LRRIQ1: variants seen among roughly 807,000 people sequenced by gnomAD.
LRRIQ1 encodes leucine-rich repeat- and IQ domain-containing protein 1.
A neutral mutation model predicts 211.9 loss-of-function variants in LRRIQ1; 210 were observed. That is an observed-to-expected ratio of 0.99 (90% CI 0.89 to 1.11). LRRIQ1 has a LOEUF of 1.11. LRRIQ1 is among the 50% of genes most tolerant of loss of function. LRRIQ1 has a pLI of 0.00. For missense variants in LRRIQ1, 2,136 were observed against 1,939.5 expected (o/e 1.10, Z -1.90); for synonymous variants, 699 against 650.1 (o/e 1.08, Z -1.14).
intron 1 of LRRIQ1, among the ~76,000 whole-genome samples, chr12:85,258,213 A>T (rs959745688): frequency 2.6e-5 from 4 of 152,006 alleles, no homozygotes; most frequent in Non-Finnish European, 4.4e-5. Context: ...AACACCAGTA[A>T]TAATGCTAGT....
Position 85,117,868 on chromosome 12 carries a change from A to G in LRRIQ1, c.3378-3829A>G, listed in dbSNP as rs554608565. Among the ~76,000 whole-genome samples, 341 of 152,300 alleles carry G rather than the reference A, an allele frequency of 2.2e-3. 1 individual carries two copies. Among genetic ancestry groups the G allele is most frequent in the Middle Eastern group, 6.8e-3 (2 of 294 alleles). Reference sequence around the variant, plus strand: ...AGTAAGTTATTTTGGCATCACAGTCATGCCTTTAAGAAAACTTGACTGAGT... The same window carrying G: ...AGTAAGTTATTTTGGCATCACAGTCGTGCCTTTAAGAAAACTTGACTGAGT... On this transcript the variant is annotated intron_variant, in intron 15 of 26. Coordinates refer to ENST00000393217, the MANE Select transcript of LRRIQ1 (RefSeq NM_001079910.2).
intron 24 of LRRIQ1, among the ~76,000 whole-genome samples, chr12:85,186,934 G>A (rs887567432): frequency 1.3e-5 from 2 of 151,888 alleles, no homozygotes; most frequent in African/African-American, 2.4e-5. Flanking sequence ...ATTTTAAACT[G>A]CCTTAAAATT....
intron 3 of LRRIQ1, among the ~76,000 whole-genome samples, chr12:85,041,651 ATAGGACTC>A (rs2135880716): frequency 6.6e-6 from 1 of 151,890 alleles, no homozygotes; most frequent in Non-Finnish European, 1.5e-5. Flanking sequence ...ATTAGATGAT[ATAGGACTC>A]TTCCAAACTA....
At chr12:85,100,479 G>A (rs942973102) in intron 13 of LRRIQ1, among the ~76,000 whole-genome samples, 1 of 151,530 alleles carries the variant, frequency 6.6e-6, no homozygotes, top group African/African-American at 2.4e-5. Flanking sequence ...ATCTTATAAC[G>A]TTTGACTATT....
At chr12:85,055,313 T>G (rs1331082602) in intron 7 of LRRIQ1, among the ~76,000 whole-genome samples, 1 of 152,124 alleles carries the variant, frequency 6.6e-6, no homozygotes, top group Non-Finnish European at 1.5e-5. Context: ...CATATCTGGG[T>G]GGCTTAGAAT....
chr12:85,233,598 C>G (rs890747355), intron 26 of LRRIQ1, among the ~76,000 whole-genome samples: 3 of 152,024 alleles, frequency 2.0e-5, no homozygotes, highest in Non-Finnish European at 2.9e-5. Flanking sequence ...ATTTCCAGAC[C>G]AGTTATATTC....
At chr12:85,051,929 A>G (rs996627733) in intron 6 of LRRIQ1, among the ~76,000 whole-genome samples, 1 of 152,198 alleles carries the variant, frequency 6.6e-6, no homozygotes, top group African/African-American at 2.4e-5. Flanking sequence ...GTGAATAAAC[A>G]TACTCAAATA....
intron 24 of LRRIQ1, among the ~76,000 whole-genome samples, chr12:85,213,581 C>T (rs563335672): frequency 4.6e-4 from 70 of 152,062 alleles, no homozygotes; most frequent in Admixed American, 1.3e-3. Flanking sequence ...TGAACTTATA[C>T]TGGCCTTAAA....
At chr12:85,046,765 A>G (rs930715781) in intron 5 of LRRIQ1, among the ~76,000 whole-genome samples, 2 of 152,166 alleles carry the variant, frequency 1.3e-5, no homozygotes, top group African/African-American at 4.8e-5. Context: ...ATGTCCATCA[A>G]TGATAGACTG....
intron 24 of LRRIQ1, among the ~76,000 whole-genome samples, chr12:85,226,763 G>C (rs889006530): frequency 6.9e-6 from 1 of 144,092 alleles, no homozygotes; most frequent in Non-Finnish European, 1.5e-5. Flanking sequence ...CCACCTATGA[G>C]TGAGAACATG....
chr12:85,168,593 T>G (rs1396584951), intron 24 of LRRIQ1, among the ~76,000 whole-genome samples: 1 of 152,130 alleles, frequency 6.6e-6, no homozygotes, highest in East Asian at 1.9e-4. Flanking sequence ...AGTGGGTCAC[T>G]AGGGGTGATG....
intron 24 of LRRIQ1, among the ~76,000 whole-genome samples, chr12:85,194,929 G>T (rs1219623159): frequency 6.6e-6 from 1 of 151,930 alleles, no homozygotes; most frequent in Non-Finnish European, 1.5e-5. Flanking sequence ...CCGCTAGCAA[G>T]ACTAATAAAG....
intron 15 of LRRIQ1, among the ~76,000 whole-genome samples, chr12:85,117,737 C>G (rs1480556010): frequency 6.6e-6 from 1 of 152,172 alleles, no homozygotes; most frequent in Non-Finnish European, 1.5e-5. Flanking sequence ...AGAGTATCTT[C>G]TTTTTGATAC....
At chr12:85,142,686 T>G (rs1889625181) in intron 19 of LRRIQ1, among the ~76,000 whole-genome samples, 1 of 151,462 alleles carries the variant, frequency 6.6e-6, no homozygotes, top group Non-Finnish European at 1.5e-5. Flanking sequence ...TGATATTAAG[T>G]TTTTTGGATT....
intron 25 of LRRIQ1, among the ~76,000 whole-genome samples, chr12:85,230,846 G>A (rs1035815549): frequency 2.6e-5 from 4 of 151,818 alleles, no homozygotes; most frequent in African/African-American, 9.7e-5. Context: ...TCAGGAGATC[G>A]AAACCATCCT....
intron 24 of LRRIQ1, among the ~76,000 whole-genome samples, chr12:85,223,232 GT>G (rs928833236): frequency 8.5e-5 from 13 of 152,120 alleles, no homozygotes; most frequent in Admixed American, 7.9e-4. Context: ...CAGGTTGACT[GT>G]TGTCAGAAGC....
chr12:85,118,907 A>G (rs999022254), intron 15 of LRRIQ1, among the ~76,000 whole-genome samples: 4 of 152,092 alleles, frequency 2.6e-5, no homozygotes, highest in Non-Finnish European at 2.9e-5. Context: ...ACTGAGCAGA[A>G]AGTACAGAGT....
Position 85,196,665 on chromosome 12 carries a change from C to T in LRRIQ1, c.4823-32852C>T, listed in dbSNP as rs377656636. ...CTGGATCCCTTCCTTACACCTTATA[C>T]AAAAATCAATTCGAGATGGATTAAA... On this transcript the variant is annotated intron_variant, in intron 24 of 26. Coordinates refer to ENST00000393217, the MANE Select transcript of LRRIQ1 (RefSeq NM_001079910.2). 3.4e-4 allele frequency among the ~76,000 whole-genome samples: 52 copies of T among 152,166 alleles called. No homozygotes were observed. In the East Asian group the frequency reaches 9.1e-3, roughly 27 times the overall value.
rs114677014 is a variant in LRRIQ1 at position 85,222,274 on chromosome 12, G to A, written c.4823-7243G>A. ...AGCATTTGAATGGATATCATTATACGGAGAGAGTATAGCCTAAAAATAAAA... is the reference window on the plus strand; with the variant it reads ...AGCATTTGAATGGATATCATTATACAGAGAGAGTATAGCCTAAAAATAAAA... On this transcript the variant is annotated intron_variant, in intron 24 of 26. Transcript: ENST00000393217. Among the ~76,000 whole-genome samples, 955 of 152,184 alleles carry A rather than the reference G, an allele frequency of 6.3e-3. 7 individuals are homozygous for A. The highest frequency in any genetic ancestry group is 0.022 in the African/African-American group (920 of 41,520).
Sources: gnomAD v4.1 joint callset for allele counts (sites outside exome capture counted in the v4.1 genomes callset) on GRCh38, gnomAD v4.1.1 for gene constraint, MANE v1.5 for transcripts, NCBI Gene and HGNC (gene_info 2026-07-23, HGNC 2026-07-21) for gene names.